The following KDM2B variants were observed in gnomAD, a reference collection of about 807,000 sequenced individuals.
KDM2B encodes the protein lysine demethylase 2B.
KDM2B carries 26 observed loss-of-function variants against 150.0 expected under a neutral mutation model. That is an observed-to-expected ratio of 0.17 (90% CI 0.13 to 0.24). The LOEUF is 0.24. Among genes scored for constraint, KDM2B ranks in the 10% least tolerant of loss-of-function variants. KDM2B has a pLI of 1.00. For synonymous variants in KDM2B, 734 were observed against 729.5 expected (o/e 1.01, Z -0.10); for missense variants, 1,265 against 1,816.9 (o/e 0.70, Z 5.52).
intron 6 of KDM2B, among the ~76,000 whole-genome samples, chr12:121,541,031 G>A (rs991289177): frequency 1.3e-5 from 2 of 151,858 alleles, no homozygotes; most frequent in Admixed American, 6.6e-5. Context: ...TTGGGAGTTC[G>A]AGACCAGCCT....
At position 121,455,025 on chromosome 12, in the gene KDM2B, G is replaced by A. The variant is rs569858158; in HGVS notation, c.1735-1681C>T. 7.9e-5 allele frequency among the ~76,000 whole-genome samples: 12 copies of A among 152,214 alleles called. No individual in the cohort carries two copies. In the East Asian group the frequency reaches 2.3e-3, roughly 29 times the overall value. On this transcript the variant is annotated intron_variant, in intron 12 of 22. Transcript: ENST00000377071. ...CATCAACTTTCTTCTCCAGTGCAGT[G>A]GTCCCTGTAGAAAGCCCGCAGCCTC... is the stretch of plus-strand genomic sequence containing the variant.
the KDM2B span, chr12:121,418,864 C>T: frequency 6.6e-6 from 1 of 152,088 alleles, no homozygotes; most frequent in African/African-American, 2.4e-5. Context: ...TAGGATTACA[C>T]CCCAGTTAAT....
intron 11 of KDM2B, among the ~76,000 whole-genome samples, chr12:121,506,121 T>G (rs1885050996): frequency 1.3e-5 from 2 of 151,508 alleles, no homozygotes; most frequent in African/African-American, 4.8e-5. Flanking sequence ...GTGATCCTCC[T>G]GCCTCAGCCC....
At chr12:121,419,137 G>C in the KDM2B span, among the ~76,000 whole-genome samples, 1 of 152,182 alleles carries the variant, frequency 6.6e-6, no homozygotes, top group South Asian at 2.1e-4. Flanking sequence ...GGTTCTGTAA[G>C]ATTATAATAC....
intron 4 of KDM2B, among the ~76,000 whole-genome samples, chr12:121,551,708 G>A (rs527334348): frequency 6.6e-6 from 1 of 152,120 alleles, no homozygotes; most frequent in South Asian, 2.1e-4. Flanking sequence ...GTGCACCACC[G>A]CACCCGGCTC....
At chr12:121,411,278 CA>C in the KDM2B span, among the ~76,000 whole-genome samples, 1,884 of 152,088 alleles carry the variant, frequency 0.012, 45 homozygotes, top group African/African-American at 0.043. Flanking sequence ...TGTTTTTCTT[CA>C]TTTTCTTTCT....
intron 8 of KDM2B, among the ~76,000 whole-genome samples, chr12:121,526,445 T>C (rs1327632929): frequency 3.9e-5 from 6 of 152,180 alleles, no homozygotes; most frequent in African/African-American, 1.4e-4. Context: ...GTCTCCTGAC[T>C]CCCAAGCTAC....
At chr12:121,487,793 CTTTTTT>C (rs1248100789) in intron 12 of KDM2B, among the ~76,000 whole-genome samples, 1 of 135,772 alleles carries the variant, frequency 7.4e-6, no homozygotes. Flanking sequence ...GAAGCAGCTT[CTTTTTT>C]TTTTTTTTTT....
At chr12:121,494,558 T>A (rs782730355) in intron 12 of KDM2B, 21 bp downstream of exon 12, 5 of 1,603,004 alleles carry the variant, frequency 3.1e-6, no homozygotes, top group Middle Eastern at 1.7e-4. Flanking sequence ...GGCCGCCCGC[T>A]GCAGGCAGGC....
chr12:121,535,311 C>T (rs1888000592), intron 6 of KDM2B, among the ~76,000 whole-genome samples: 1 of 152,022 alleles, frequency 6.6e-6, no homozygotes, highest in Non-Finnish European at 1.5e-5. Flanking sequence ...GGTTCCAGCC[C>T]CAAAAGACCA....
At chr12:121,416,134 CTG>C in the KDM2B span, 13 of 1,597,856 alleles carry the variant, frequency 8.1e-6, no homozygotes, top group Non-Finnish European at 1.0e-5. Flanking sequence ...TAGCTTTAAA[CTG>C]TGGGATTTGT....
chr12:121,467,178 AGTC>A lies in KDM2B; in HGVS notation c.1735-13837_1735-13835del, dbSNP rs1880127071. On this transcript the variant is annotated intron_variant, in intron 12 of 22. Transcript: ENST00000377071. The surrounding 1 kb of genome is among the most constrained non-coding windows in gnomAD (Gnocchi z 5.1). ...CCGACCTGGTCCGGCTCCGATTCAT[AGTC>A]GTCGTCCTCGGCGCTCACGGACATG... 8.0e-6 allele frequency: 9 copies of A among 1,119,364 alleles called. No homozygotes were observed. The highest frequency in any genetic ancestry group is 1.0e-5 in the Non-Finnish European group (9 of 897,704). The allele number at this position is 1,119,364 out of a possible 1,614,324, so 69.3% of individuals were successfully genotyped here.
chr12:121,429,780 C>T lies in KDM2B; in HGVS notation c.*508G>A. Reference sequence around the variant, plus strand: ...TAAAAACACTGGTATGCATTCAAACCTTGCATAAATAACTTTTAAACAATT... The same window carrying T: ...TAAAAACACTGGTATGCATTCAAACTTTGCATAAATAACTTTTAAACAATT... On this transcript the variant is annotated 3_prime_UTR_variant, in exon 23 of 23. Transcript: ENST00000377071. 1 of 531,944 alleles carries T rather than the reference C, an allele frequency of 1.9e-6. No individual in the cohort carries two copies. Among genetic ancestry groups the T allele is most frequent in the East Asian group, 2.9e-5 (1 of 34,100 alleles). The allele number at this position is 531,944 out of a possible 1,614,324, so 33.0% of individuals were successfully genotyped here. A position where few individuals can be genotyped will look rare whatever the true frequency, so the allele number is the denominator to read the frequency against.
rs1555311416 is a variant in KDM2B, at chr12:121,549,568, A to G, written c.468T>C (p.Phe156=). ...CCTCGGGCGTCTCGTAGTAACGCAC[A>G]AACTGGGACATGCTCATCTCCGTGC... The part of the protein sequence containing the change: ...QKGTEMSMSQ[F]VRYYETPEAQ... The change falls in exon 5 of 23, where the codon TTT becomes TTC. Residue 156 remains phenylalanine (F), a synonymous_variant. Transcript: ENST00000377071. This position sits in a 1 kb window ranked among gnomAD's most constrained non-coding sequence, Gnocchi z 4.4. 5.0e-6 allele frequency: 8 copies of G among 1,613,422 alleles called. No individual in the cohort carries two copies. Among genetic ancestry groups the G allele is most frequent in the Admixed American group, 1.7e-5 (1 of 59,992 alleles).
Position 121,575,772 on chromosome 12 carries a change from G to T in KDM2B, c.350+9C>A. 2 of 1,600,524 alleles carry T rather than the reference G, an allele frequency of 1.2e-6. No homozygotes were observed. Among genetic ancestry groups the T allele is most frequent in the Non-Finnish European group, 1.7e-6 (2 of 1,167,534 alleles). On this transcript the variant is annotated intron_variant, in intron 3 of 22. Transcript: ENST00000377071. This position sits in a 1 kb window ranked among gnomAD's most constrained non-coding sequence, Gnocchi z 4.4. ...ACGGGGGAAGGAGTGATTAGTTTCAGCAACTTACTTAATTCCCAGTCCATC... is the reference window on the plus strand; with the variant it reads ...ACGGGGGAAGGAGTGATTAGTTTCATCAACTTACTTAATTCCCAGTCCATC...
At chr12:121,511,135 C>A (rs977361634) in intron 10 of KDM2B, among the ~76,000 whole-genome samples, 1 of 151,728 alleles carries the variant, frequency 6.6e-6, no homozygotes, top group East Asian at 1.9e-4. Context: ...CTCAGCCTCC[C>A]GAGTAGCTGA....
chr12:121,412,837 G>T, the KDM2B span, among the ~76,000 whole-genome samples: 1 of 147,226 alleles, frequency 6.8e-6, no homozygotes, highest in Non-Finnish European at 1.5e-5. Context: ...TAATTCTCCT[G>T]CCTTAGCCTC....
intron 7 of KDM2B, 103 bp downstream of exon 7, chr12:121,534,394 G>T (rs1887930367): frequency 1.2e-6 from 1 of 810,796 alleles, no homozygotes; most frequent in Non-Finnish European, 2.1e-6. Flanking sequence ...CTGGGGCAGG[G>T]CTGGTTGGAG....
chr12:121,428,189 G>A (rs894753830), downstream of KDM2B, among the ~76,000 whole-genome samples: 1 of 152,106 alleles, frequency 6.6e-6, no homozygotes, highest in South Asian at 2.1e-4. Context: ...CATGTATCTA[G>A]ATGAGATCTT....
Sources: allele counts gnomAD v4.1 joint callset (sites outside exome capture counted in the v4.1 genomes callset), GRCh38; gene constraint gnomAD v4.1.1; non-coding constraint Gnocchi (gnomAD v3.1); transcripts MANE v1.5; gene names NCBI Gene and HGNC (gene_info 2026-07-23, HGNC 2026-07-21).